The following DCPS variants were observed in gnomAD, a reference collection of about 807,000 sequenced individuals.
DCPS encodes decapping enzyme, scavenger, also known as m7GpppX diphosphatase.
DCPS carries 27 observed loss-of-function variants against 34.7 expected under a neutral mutation model. The observed-to-expected ratio is 0.78, with a 90% CI of 0.57 to 1.07. The LOEUF (loss-of-function observed/expected upper bound fraction) is 1.07, where lower values mean the gene tolerates loss of function less well. DCPS is among the 50% of genes least tolerant of loss of function. The probability of loss-of-function intolerance (pLI) is 0.00; values close to 1 mark genes in which losing one functional copy is unlikely to be tolerated. For synonymous variants in DCPS, 185 were observed against 185.7 expected (o/e 1.00, Z 0.03); for missense variants, 464 against 436.9 (o/e 1.06, Z -0.55).
intron 2 of DCPS, among the ~76,000 whole-genome samples, chr11:126,321,521 CT>C (rs1216446192): frequency 2.0e-5 from 3 of 152,104 alleles, no homozygotes; most frequent in Non-Finnish European, 4.4e-5. Context: ...GAGAGAAAAC[CT>C]AAACTATTGA....
In DCPS at chr11:126,332,115, C is replaced by T. The variant is rs964384466; in HGVS notation, c.522+565C>T. ...AGACTCTTATTCCTGGTTTCACCTGCGGCAAACCGGCCTGCAGGATCTCAG... is the reference window on the plus strand; with the variant it reads ...AGACTCTTATTCCTGGTTTCACCTGTGGCAAACCGGCCTGCAGGATCTCAG... On this transcript the variant is annotated intron_variant, in intron 3 of 5. Coordinates refer to ENST00000263579, the MANE Select transcript of DCPS (RefSeq NM_014026.6). This position sits in a 1 kb window ranked among gnomAD's most constrained non-coding sequence, Gnocchi z 5.4. Among the ~76,000 whole-genome samples the T allele has an allele frequency of 5.9e-5, 9 of 152,178 alleles. No individual in the cohort carries two copies. The highest frequency in any genetic ancestry group is 1.9e-4 in the African/African-American group (8 of 41,440).
In DCPS at chr11:126,304,214, C is replaced by G. The variant is rs140479762; in HGVS notation, c.134C>G (p.Ser45Cys). ...TGTGCTCCTGTCCGCTTACCGTTCT[C>G]CGGCTTCAGACTGCAGAAGGTGCTG... ...GTCAPVRLPFSGFRLQKVLRE... is the reference protein window; with the variant it reads ...GTCAPVRLPFCGFRLQKVLRE... Residue 45 changes from serine (S) to cysteine (C), a missense_variant, in exon 1 of 6, where the codon TCC (serine) becomes TGC (cysteine). Ser to Cys is a moderately radical substitution (Grantham distance 112). Transcript: ENST00000263579. 2.5e-5 allele frequency: 40 copies of G among 1,614,238 alleles called. No homozygotes were observed. The highest frequency in any genetic ancestry group is 1.0e-4 in the Admixed American group (6 of 60,028).
Position 126,343,291 on chromosome 11 carries a change from C to T in DCPS, c.637-16C>T. On this transcript the variant is annotated splice_polypyrimidine_tract_variant and intron_variant, in intron 4 of 5. Transcript: ENST00000263579. ...TGTTCCCTGCTGAGCCTGGTCTCCC[C>T]TTGCTCTCTACGCAGCTCGATGACT... 2 of 1,608,010 alleles carry T rather than the reference C, an allele frequency of 1.2e-6. No individual in the cohort carries two copies. The highest frequency in any genetic ancestry group is 2.2e-5 in the South Asian group (2 of 90,094).
chr11:126,322,967 A>G lies in DCPS; in HGVS notation c.377-8438A>G, dbSNP rs1203641186. 6.6e-6 allele frequency among the ~76,000 whole-genome samples: 1 copy of G among 152,168 alleles called. No individual in the cohort carries two copies. The highest frequency in any genetic ancestry group is 1.9e-4 in the East Asian group (1 of 5,192). ...TTCACCTTCCCGAGTAGTGGCGACC[A>G]GAGGCAGGTACCACCACACGTGGCT... On this transcript the variant is annotated intron_variant, in intron 2 of 5. Transcript: ENST00000263579. The surrounding 1 kb of genome is among the most constrained non-coding windows in gnomAD (Gnocchi z 4.2).
In DCPS at chr11:126,322,511, G is replaced by A. The variant is rs1951715472; in HGVS notation, c.377-8894G>A. Among the ~76,000 whole-genome samples, 1 of 151,920 alleles carries A rather than the reference G, an allele frequency of 6.6e-6. No individual in the cohort carries two copies. Among genetic ancestry groups the A allele is most frequent in the African/African-American group, 2.4e-5 (1 of 41,378 alleles). On this transcript the variant is annotated intron_variant, in intron 2 of 5. Transcript: ENST00000263579. The surrounding 1 kb of genome is among the most constrained non-coding windows in gnomAD (Gnocchi z 4.2). ...ACTCCTGACCTCAGGTGATCTGCCT[G>A]CCTGAACCTCCGAAAGGGCTGGGAT...
Position 126,322,738 on chromosome 11 carries a change from G to A in DCPS, c.377-8667G>A, listed in dbSNP as rs377105877. Among the ~76,000 whole-genome samples the A allele has an allele frequency of 7.1e-4, 108 of 152,144 alleles. No homozygotes were observed. In the Middle Eastern group the frequency reaches 0.01, roughly 14 times the overall value. ...TTCCTGAGTAGCTGGGACTACAGGC[G>A]CGTGCCATCACGCCCAGCTAATTTT... On this transcript the variant is annotated intron_variant, in intron 2 of 5. Coordinates refer to ENST00000263579, the MANE Select transcript of DCPS (RefSeq NM_014026.6). The surrounding 1 kb of genome is among the most constrained non-coding windows in gnomAD (Gnocchi z 4.2).
chr11:126,308,555 C>G (rs1591380589), intron 2 of DCPS, among the ~76,000 whole-genome samples: 1 of 152,346 alleles, frequency 6.6e-6, no homozygotes, highest in East Asian at 1.9e-4. Flanking sequence ...GCTGTATTTC[C>G]TTTCTCAGGC....
At chr11:126,307,055 C>T (rs1951575598) in intron 2 of DCPS, among the ~76,000 whole-genome samples, 1 of 152,042 alleles carries the variant, frequency 6.6e-6, no homozygotes, top group South Asian at 2.1e-4. Context: ...CCTGGCCAGG[C>T]ATGGTGGCCC....
In DCPS at chr11:126,343,380, A is replaced by C; in HGVS notation, c.710A>C (p.His237Pro). The C allele has an allele frequency of 6.2e-7, 1 of 1,613,972 alleles. No homozygotes were observed. Among genetic ancestry groups the C allele is most frequent in the South Asian group, 1.1e-5 (1 of 91,034 alleles). The change falls in exon 5 of 6, where the codon CAC (histidine) becomes CCC (proline). Residue 237 changes from histidine (H) to proline (P), a missense_variant. Physicochemically the swap from His to Pro is moderately conservative, Grantham distance 77. Transcript: ENST00000263579. ...IRSLRDLTPEHLPLLRNILHQ... is the reference protein window; with the variant it reads ...IRSLRDLTPEPLPLLRNILHQ... ...TCCCTACGCGACCTTACTCCGGAGCACTTGCCGCTGCTCAGGAACATCCTC... is the reference window on the plus strand; with the variant it reads ...TCCCTACGCGACCTTACTCCGGAGCCCTTGCCGCTGCTCAGGAACATCCTC...
At position 126,324,876 on chromosome 11, in the gene DCPS, A is replaced by G. The variant is rs1347001215; in HGVS notation, c.377-6529A>G. On this transcript the variant is annotated intron_variant, in intron 2 of 5. Coordinates refer to ENST00000263579, the MANE Select transcript of DCPS (RefSeq NM_014026.6). Reference sequence around the variant, plus strand: ...TTTATAGAAAATTAAACAAGTGGCCAGAATTTGGGTGGAGATGCCTTCTCT... The same window carrying G: ...TTTATAGAAAATTAAACAAGTGGCCGGAATTTGGGTGGAGATGCCTTCTCT... 2.0e-5 allele frequency among the ~76,000 whole-genome samples: 3 copies of G among 152,166 alleles called. No individual in the cohort carries two copies. The East Asian group carries it at 5.8e-4, about 29-fold the overall frequency.
rs1375096998 is a variant in DCPS, at chr11:126,335,138, A to T, written c.523-3148A>T. On this transcript the variant is annotated intron_variant, in intron 3 of 5. Transcript: ENST00000263579. This position sits in a 1 kb window ranked among gnomAD's most constrained non-coding sequence, Gnocchi z 4.8. Reference sequence around the variant, plus strand: ...TGGGCAGAGCTAAGACACCTGGGAGACGTGGCCAGGCCACACATGGCTGGA... The same window carrying T: ...TGGGCAGAGCTAAGACACCTGGGAGTCGTGGCCAGGCCACACATGGCTGGA... 1.3e-5 allele frequency among the ~76,000 whole-genome samples: 2 copies of T among 152,238 alleles called. No individual in the cohort carries two copies. Among genetic ancestry groups the T allele is most frequent in the Admixed American group, 6.5e-5 (1 of 15,288 alleles).
At chr11:126,339,333 G>A (rs533285603) in intron 4 of DCPS, among the ~76,000 whole-genome samples, 6 of 152,306 alleles carry the variant, frequency 3.9e-5, no homozygotes, top group Non-Finnish European at 7.3e-5. Context: ...TTCTGCACCC[G>A]TCAAAGGCTG....
At chr11:126,340,050 T>C (rs1417281838) in intron 4 of DCPS, among the ~76,000 whole-genome samples, 1 of 152,212 alleles carries the variant, frequency 6.6e-6, no homozygotes, top group Non-Finnish European at 1.5e-5. Flanking sequence ...CTTGTCCGTC[T>C]GTATTCCAGA....
Position 126,320,736 on chromosome 11 carries a change from G to C in DCPS, c.377-10669G>C. 6.6e-6 allele frequency among the ~76,000 whole-genome samples: 1 copy of C among 152,190 alleles called. No homozygotes were observed. ...GAAGATCACTTCAGTCCAGGACATAGAGGCTGCACTCCAGCCTGGGAGACA... is the reference window on the plus strand; with the variant it reads ...GAAGATCACTTCAGTCCAGGACATACAGGCTGCACTCCAGCCTGGGAGACA... On this transcript the variant is annotated intron_variant, in intron 2 of 5. Transcript: ENST00000263579. This position sits in a 1 kb window ranked among gnomAD's most constrained non-coding sequence, Gnocchi z 4.7.
intron 2 of DCPS, among the ~76,000 whole-genome samples, chr11:126,309,699 C>T (rs776718259): frequency 6.6e-6 from 1 of 152,110 alleles, no homozygotes. Flanking sequence ...ATTTGGAAGT[C>T]GCAGCGGTTT....
rs1368059497 is a variant in DCPS, at chr11:126,349,260, CAT to C, written c.*3648_*3649del. 2.0e-5 allele frequency among the ~76,000 whole-genome samples: 3 copies of C among 152,232 alleles called. No homozygotes were observed. The highest frequency in any genetic ancestry group is 4.4e-5 in the Non-Finnish European group (3 of 68,042). ...TGGTCCTGTGTGCTGCAGAGTGCCT[CAT>C]GTGTTGAACTGTGTGCCCTCAGAAG... On this transcript the variant is annotated 3_prime_UTR_variant, in exon 6 of 6. Transcript: ENST00000263579. The surrounding 1 kb of genome is among the most constrained non-coding windows in gnomAD (Gnocchi z 5.4).
rs112055301 is a variant in DCPS at position 126,325,845 on chromosome 11, C to T, written c.377-5560C>T. Among the ~76,000 whole-genome samples, 1,326 of 152,166 alleles carry T rather than the reference C, an allele frequency of 8.7e-3. 28 individuals carry two copies. The highest frequency in any genetic ancestry group is 0.03 in the African/African-American group (1,258 of 41,504). ...GGAGAATGCCAGCAGGAAGGCCAGG[C>T]GCGGTGGCTCACACCTGTAATCCCA... On this transcript the variant is annotated intron_variant, in intron 2 of 5. Transcript: ENST00000263579. This position sits in a 1 kb window ranked among gnomAD's most constrained non-coding sequence, Gnocchi z 4.3.
chr11:126,328,897 T>A lies in DCPS; in HGVS notation c.377-2508T>A, dbSNP rs536270103. Among the ~76,000 whole-genome samples, 1 of 152,342 alleles carries A rather than the reference T, an allele frequency of 6.6e-6. No homozygotes were observed. The highest frequency in any genetic ancestry group is 2.1e-4 in the South Asian group (1 of 4,830). On this transcript the variant is annotated intron_variant, in intron 2 of 5. Coordinates refer to ENST00000263579, the MANE Select transcript of DCPS (RefSeq NM_014026.6). The surrounding 1 kb of genome is among the most constrained non-coding windows in gnomAD (Gnocchi z 6.6). The stretch of plus-strand genomic sequence containing the variant: ...CCCAACAGCCCTGGAAGGTAGGTGC[T>A]GTTATTGTTACCCCAGATTGTAGAA...
Position 126,338,442 on chromosome 11 carries a change from G to C in DCPS, c.636+43G>C, listed in dbSNP as rs766396280. 5 of 1,553,286 alleles carry C rather than the reference G, an allele frequency of 3.2e-6. No homozygotes were observed. Among genetic ancestry groups the C allele is most frequent in the Non-Finnish European group, 4.4e-6 (5 of 1,124,884 alleles). On this transcript the variant is annotated intron_variant, in intron 4 of 5. Transcript: ENST00000263579. The surrounding 1 kb of genome is among the most constrained non-coding windows in gnomAD (Gnocchi z 5.4). Reference sequence around the variant, plus strand: ...GAATGTCCTGATCTCTGGCCACCCTGCTGTAAGTGCTGGTCCTTCTGACTG... The same window carrying C: ...GAATGTCCTGATCTCTGGCCACCCTCCTGTAAGTGCTGGTCCTTCTGACTG...
Sources: gnomAD v4.1 joint callset for allele counts (sites outside exome capture counted in the v4.1 genomes callset) on GRCh38, gnomAD v4.1.1 for gene constraint, Gnocchi (gnomAD v3.1) non-coding constraint, MANE v1.5 for transcripts, NCBI Gene and HGNC (gene_info 2026-07-23, HGNC 2026-07-21) for gene names.